The following SLC9B1 variants were observed in gnomAD, a reference collection of about 807,000 sequenced individuals.
SLC9B1 encodes sodium/hydrogen exchanger 9B1.
Under a neutral mutation model 51.7 loss-of-function variants are expected in SLC9B1, and 32 were observed. The observed-to-expected ratio is 0.62, with a 90% CI of 0.47 to 0.83. SLC9B1 has a LOEUF of 0.83. SLC9B1 is among the 40% of genes least tolerant of loss of function. The probability of loss-of-function intolerance (pLI) is 0.00; values close to 1 mark genes in which losing one functional copy is unlikely to be tolerated. For missense variants in SLC9B1, 406 were observed against 613.2 expected, an observed-to-expected ratio of 0.66 and a Z score of 3.57; for synonymous variants, 145 against 212.7, an observed-to-expected ratio of 0.68 and a Z score of 2.77.
chr4:103,003,358 A>G (rs1740624117), intron 1 of SLC9B1, among the ~76,000 whole-genome samples: 1 of 152,064 alleles, frequency 6.6e-6, no homozygotes, highest in Non-Finnish European at 1.5e-5. Context: ...ATTATTCTTC[A>G]CTTTCATCAG....
downstream of SLC9B1, chr4:102,896,684 G>A (rs543308718): frequency 3.4e-4 from 52 of 152,344 alleles, no homozygotes; most frequent in African/African-American, 1.2e-3. Context: ...TTTTAGTCTT[G>A]AAGGTGGGGT....
intron 1 of SLC9B1, among the ~76,000 whole-genome samples, chr4:103,005,797 C>A (rs565351735): frequency 2.0e-5 from 3 of 152,106 alleles, no homozygotes; most frequent in African/African-American, 7.2e-5. Flanking sequence ...AAAGAACTCT[C>A]AAAACCATAG....
chr4:102,935,871 G>A (rs952222878), intron 6 of SLC9B1, among the ~76,000 whole-genome samples: 1 of 152,208 alleles, frequency 6.6e-6, no homozygotes, highest in South Asian at 2.1e-4. Flanking sequence ...GCTGACCCAT[G>A]CAAGTATGCA....
intron 6 of SLC9B1, among the ~76,000 whole-genome samples, chr4:102,937,054 CT>C (rs1249311260): frequency 6.6e-6 from 1 of 152,142 alleles, no homozygotes. Flanking sequence ...AACAGTGGAA[CT>C]GTAAGATACT....
chr4:102,889,789 T>C (rs1734143882), intron 11 of SLC9B1: 2 of 152,234 alleles, frequency 1.3e-5, no homozygotes, highest in African/African-American at 4.8e-5. Flanking sequence ...GCATTACTTC[T>C]TGTAAATTTA....
At chr4:102,916,655 G>T (rs1735591685) in intron 7 of SLC9B1, among the ~76,000 whole-genome samples, 1 of 152,124 alleles carries the variant, frequency 6.6e-6, no homozygotes, top group Non-Finnish European at 1.5e-5. Context: ...TACATACCAA[G>T]ACTTTTCCAG....
intron 11 of SLC9B1, chr4:102,888,054 CTGTGTGTGTGTGTGTGTGTGTGTG>C (rs35045951): frequency 6.8e-6 from 1 of 148,106 alleles, no homozygotes; most frequent in African/African-American, 2.5e-5. Context: ...AGGCTTGTGT[CTGTGTGTGTGTGTGTGTGTGTGTG>C]TGTGTATTTT....
Position 102,991,563 on chromosome 4 carries a change from T to A in SLC9B1, c.69+80A>T, listed in dbSNP as rs148846798. On this transcript the variant is annotated intron_variant, in intron 2 of 11. Coordinates refer to ENST00000296422, the MANE Select transcript of SLC9B1 (RefSeq NM_139173.4). ...TAACCAGATATATAAAAGAAACCTA[T>A]CTAATAAGTAAATTAGGAATAAATT... 1,193 of 970,678 alleles carry A rather than the reference T, an allele frequency of 1.2e-3. 10 individuals are homozygous for A. The African/African-American group carries it at 0.018, about 15-fold the overall frequency. 60.1% of individuals were successfully genotyped at this position (970,678 alleles called of 1,614,324 possible). A position where few individuals can be genotyped will look rare whatever the true frequency, so the allele number is the denominator to read the frequency against.
chr4:102,912,708 C>T (rs1351087948), intron 7 of SLC9B1, among the ~76,000 whole-genome samples: 2 of 152,046 alleles, frequency 1.3e-5, no homozygotes, highest in African/African-American at 4.8e-5. Context: ...GAGTGAAACC[C>T]CATCTTTACA....
At chr4:102,992,850 T>A (rs969636133) in intron 1 of SLC9B1, among the ~76,000 whole-genome samples, 28 of 152,302 alleles carry the variant, frequency 1.8e-4, no homozygotes, top group African/African-American at 6.0e-4. Context: ...CAGTTCCACA[T>A]GGCTGGGGAG....
intron 3 of SLC9B1, among the ~76,000 whole-genome samples, chr4:102,979,459 T>C (rs1360691411): frequency 6.6e-6 from 1 of 152,198 alleles, no homozygotes; most frequent in Non-Finnish European, 1.5e-5. Flanking sequence ...TCCAGTCTGC[T>C]CATGATAGTG....
intron 4 of SLC9B1, 23 bp downstream of exon 4, chr4:102,949,234 A>C (rs756348385): frequency 6.7e-7 from 1 of 1,489,468 alleles, no homozygotes; most frequent in Non-Finnish European, 9.0e-7. Context: ...TAATAAAGAA[A>C]AGAGAGCTAA....
intron 1 of SLC9B1, among the ~76,000 whole-genome samples, chr4:103,002,258 C>T (rs115894369): frequency 0.012 from 1,805 of 152,214 alleles, 15 homozygotes; most frequent in Non-Finnish European, 0.018. Context: ...CCATACTTTC[C>T]TATATTGGAA....
intron 4 of SLC9B1, among the ~76,000 whole-genome samples, chr4:102,947,900 T>C (rs776814974): frequency 1.3e-5 from 2 of 148,408 alleles, no homozygotes; most frequent in Admixed American, 6.8e-5. Context: ...GAGCTCTACA[T>C]ACACTTTAGA....
chr4:103,003,581 C>T (rs1194014262), intron 1 of SLC9B1, among the ~76,000 whole-genome samples: 1 of 152,196 alleles, frequency 6.6e-6, no homozygotes, highest in Non-Finnish European at 1.5e-5. Context: ...ATGCCCCTCC[C>T]CAGCTGACAC....
intron 1 of SLC9B1, among the ~76,000 whole-genome samples, chr4:103,012,680 T>C (rs1231242263): frequency 6.6e-6 from 1 of 152,226 alleles, no homozygotes; most frequent in Admixed American, 6.5e-5. Flanking sequence ...AATCTATAAA[T>C]AACAGAAACC....
chr4:102,904,243 A>C (rs1382182727), intron 11 of SLC9B1, among the ~76,000 whole-genome samples: 1 of 151,842 alleles, frequency 6.6e-6, no homozygotes, highest in African/African-American at 2.4e-5. Context: ...TATTTTTTGT[A>C]GAGACGAGGT....
At chr4:102,900,410 T>G (rs1382105711), downstream of SLC9B1, among the ~76,000 whole-genome samples, 1 of 152,082 alleles carries the variant, frequency 6.6e-6, no homozygotes, top group Non-Finnish European at 1.5e-5. Context: ...GGCTGCCTTT[T>G]ATGCCTAGAT....
intron 11 of SLC9B1, 43 bp downstream of exon 11, chr4:102,905,471 A>C: frequency 6.4e-7 from 1 of 1,551,966 alleles, no homozygotes; most frequent in Non-Finnish European, 8.8e-7. Context: ...TTTTAAAAGC[A>C]TCAAAATGAA....
Sources: gnomAD v4.1 joint callset for allele counts (sites outside exome capture counted in the v4.1 genomes callset) on GRCh38, gnomAD v4.1.1 for gene constraint, MANE v1.5 for transcripts, NCBI Gene and HGNC (gene_info 2026-07-23, HGNC 2026-07-21) for gene names.